Variants in RPTOR observed in about 807,000 individuals in gnomAD.
The protein encoded by RPTOR is regulatory-associated protein of mTOR.
Under a neutral mutation model 169.9 loss-of-function variants are expected in RPTOR, and 21 were observed. The ratio of observed to expected loss-of-function variants is 0.12; its 90% CI spans 0.09 to 0.18. The LOEUF (loss-of-function observed/expected upper bound fraction) is 0.18, where lower values mean the gene tolerates loss of function less well. Among genes scored for constraint, RPTOR ranks in the 10% least tolerant of loss-of-function variants. The probability of loss-of-function intolerance (pLI) is 1.00; values close to 1 mark genes in which losing one functional copy is unlikely to be tolerated. For missense variants in RPTOR, 1,133 were observed against 1,855.9 expected, an observed-to-expected ratio of 0.61 and a Z score of 7.16; for synonymous variants, 732 against 753.2, an observed-to-expected ratio of 0.97 and a Z score of 0.46.
At chr17:80,642,736 CAA>C (rs2065563647) in intron 2 of RPTOR, among the ~76,000 whole-genome samples, 1 of 152,084 alleles carries the variant, frequency 6.6e-6, no homozygotes, top group Admixed American at 6.5e-5. Context: ...TAGTATCAAA[CAA>C]AAAGAGTCAT....
chr17:80,710,075 G>A (rs759685478), intron 4 of RPTOR, among the ~76,000 whole-genome samples: 6 of 151,710 alleles, frequency 4.0e-5, no homozygotes, highest in Non-Finnish European at 7.4e-5. Flanking sequence ...CTTCTGGGCT[G>A]AAGCATTCCT....
intron 2 of RPTOR, among the ~76,000 whole-genome samples, chr17:80,641,474 T>G (rs2065553529): frequency 6.6e-6 from 1 of 152,220 alleles, no homozygotes. Flanking sequence ...TTTTATTTTT[T>G]TATCAGAGTA....
intron 31 of RPTOR, 112 bp from the exon 32 acceptor site, chr17:80,962,349 A>AGT: frequency 2.4e-6 from 2 of 825,066 alleles, no homozygotes; most frequent in Non-Finnish European, 4.0e-6. Flanking sequence ...TTCCTTGAGC[A>AGT]GTGTGTGTGC....
intron 20 of RPTOR, among the ~76,000 whole-genome samples, chr17:80,896,360 A>ACACCCCACACG (rs1567974446): frequency 2.7e-5 from 4 of 145,546 alleles, no homozygotes; most frequent in East Asian, 2.1e-4. Flanking sequence ...CACCCCACAC[A>ACACCCCACACG]GCCGCCCCGA....
chr17:80,687,522 C>T lies in RPTOR; in HGVS notation c.349-20319C>T, dbSNP rs530204674. 3.3e-5 allele frequency among the ~76,000 whole-genome samples: 5 copies of T among 152,334 alleles called. No homozygotes were observed. In the South Asian group the frequency reaches 6.2e-4, roughly 19 times the overall value. On this transcript the variant is annotated intron_variant, in intron 3 of 33. Transcript: ENST00000306801. ...GTTTGATGAAAGGCAGGGACTCATT[C>T]GGTGAGTGGGTCTCCCCTGCCTCTG...
chr17:80,697,430 G>A lies in RPTOR; in HGVS notation c.349-10411G>A, dbSNP rs564774289. On this transcript the variant is annotated intron_variant, in intron 3 of 33. Transcript: ENST00000306801. ...CAGCCTTCAGGCTGTTATTTGGCTT[G>A]GAGGTAGGTTTCACCAGGGACCTGC... Among the ~76,000 whole-genome samples, 103 of 152,356 alleles carry A rather than the reference G, an allele frequency of 6.8e-4. No individual in the cohort carries two copies. In the South Asian group the frequency reaches 0.014, roughly 21 times the overall value.
intron 20 of RPTOR, among the ~76,000 whole-genome samples, chr17:80,896,378 C>CAT (rs1567974506): frequency 1.3e-5 from 2 of 148,736 alleles, no homozygotes; most frequent in Non-Finnish European, 3.0e-5. Context: ...CGACACCCCA[C>CAT]GCGGCCTCGC....
intron 1 of RPTOR, among the ~76,000 whole-genome samples, chr17:80,574,827 A>ATTTTTTTTTTT (rs555426915): frequency 1.1e-4 from 13 of 121,418 alleles, no homozygotes; most frequent in East Asian, 1.0e-3. Context: ...AGCTTATTTA[A>ATTTTTTTTTTT]TTTTTTTTTT....
chr17:80,952,739 G>A (rs987694199), intron 28 of RPTOR, among the ~76,000 whole-genome samples: 1 of 152,048 alleles, frequency 6.6e-6, no homozygotes, highest in Non-Finnish European at 1.5e-5. Flanking sequence ...TCGCTTCCTG[G>A]CAGAGTCACC....
chr17:80,682,435 T>C (rs1488189508), intron 3 of RPTOR, among the ~76,000 whole-genome samples: 1 of 152,116 alleles, frequency 6.6e-6, no homozygotes, highest in Non-Finnish European at 1.5e-5. Context: ...GAGCTTATCT[T>C]GGATTATTTG....
At chr17:80,634,308 CTGTGCGTGTGCGTACTA>C (rs1567830531) in intron 2 of RPTOR, among the ~76,000 whole-genome samples, 1 of 64,834 alleles carries the variant, frequency 1.5e-5, no homozygotes, top group East Asian at 4.6e-4. Context: ...TGTGTGCGTA[CTGTGCGTGTGCGTACTA>C]TGTGCGTGTG....
chr17:80,942,231 C>T (rs1028954709), intron 25 of RPTOR, among the ~76,000 whole-genome samples: 4 of 151,560 alleles, frequency 2.6e-5, no homozygotes, highest in African/African-American at 7.3e-5. Context: ...GGCCAGCACA[C>T]GGGGGCTGCC....
At chr17:80,685,168 C>A (rs1212204828) in intron 3 of RPTOR, among the ~76,000 whole-genome samples, 1 of 151,924 alleles carries the variant, frequency 6.6e-6, no homozygotes, top group African/African-American at 2.4e-5. Context: ...CAGGGTCGCA[C>A]CTCATTCGGA....
Position 80,961,435 on chromosome 17 carries a change from A to G in RPTOR, c.3647A>G (p.Lys1216Arg). The part of the protein sequence containing the change: ...TYREHTAWVV[K>R]ASLQKRPDGH... ...CGGGAGCACACAGCCTGGGTGGTGA[A>G]GGCCTCCCTGCAGAAGCGTCCCGAC... The change falls in exon 31 of 34, where the codon AAG (lysine) becomes AGG (arginine). Residue 1216 changes from lysine (K) to arginine (R), a missense_variant. Transcript: ENST00000306801. 6.4e-7 allele frequency: 1 copy of G among 1,551,672 alleles called. No individual in the cohort carries two copies. Among genetic ancestry groups the G allele is most frequent in the Non-Finnish European group, 8.7e-7 (1 of 1,147,938 alleles).
intron 4 of RPTOR, among the ~76,000 whole-genome samples, chr17:80,710,669 A>G (rs752222744): frequency 4.0e-5 from 6 of 151,148 alleles, no homozygotes; most frequent in Non-Finnish European, 7.4e-5. Context: ...ATGATACTGT[A>G]TGACCATCTC....
chr17:80,929,993 C>T (rs1175684373), intron 24 of RPTOR, among the ~76,000 whole-genome samples: 1 of 147,902 alleles, frequency 6.8e-6, no homozygotes, highest in Non-Finnish European at 1.5e-5. Context: ...TCATCCTTGG[C>T]TCATCCTCGG....
At chr17:80,938,874 A>G (rs966036143) in intron 24 of RPTOR, among the ~76,000 whole-genome samples, 1 of 152,200 alleles carries the variant, frequency 6.6e-6, no homozygotes, top group Non-Finnish European at 1.5e-5. Context: ...GACACAAAGA[A>G]TGCTCTGTAA....
At chr17:80,563,294 G>C (rs1205699546) in intron 1 of RPTOR, among the ~76,000 whole-genome samples, 1 of 151,870 alleles carries the variant, frequency 6.6e-6, no homozygotes, top group African/African-American at 2.4e-5. Context: ...TCATAGCTGA[G>C]GAGGCTGAGG....
At chr17:80,855,110 T>C (rs1381447935) in intron 11 of RPTOR, among the ~76,000 whole-genome samples, 1 of 152,208 alleles carries the variant, frequency 6.6e-6, no homozygotes, top group Non-Finnish European at 1.5e-5. Flanking sequence ...GAATCACATA[T>C]TATCTAGTTC....
Sources: allele counts gnomAD v4.1 joint callset (sites outside exome capture counted in the v4.1 genomes callset), GRCh38; gene constraint gnomAD v4.1.1; transcripts MANE v1.5; gene names NCBI Gene and HGNC (gene_info 2026-07-23, HGNC 2026-07-21).